KLHL30: variants seen among roughly 807,000 people sequenced by gnomAD.
KLHL30 encodes the protein kelch like family member 30, also known as kelch-like protein 30.
In KLHL30, 55 loss-of-function variants were observed where a neutral mutation model predicts 55.0. The observed-to-expected ratio is 1.00, with a 90% CI of 0.80 to 1.25. The LOEUF is 1.25. Ranked by LOEUF, KLHL30 falls within the 50% of genes most tolerant of loss-of-function variation. The probability of loss-of-function intolerance (pLI) is 0.00; values close to 1 mark genes in which losing one functional copy is unlikely to be tolerated. For missense variants in KLHL30, 786 were observed against 811.6 expected (o/e 0.97, Z 0.38); for synonymous variants, 356 against 372.6 (o/e 0.96, Z 0.51).
chr2:238,145,888 C>A, intron 5 of KLHL30, 56 bp downstream of exon 5: 4 of 1,489,970 alleles, frequency 2.7e-6, no homozygotes, highest in Non-Finnish European at 3.6e-6. Flanking sequence ...CTCATCCCTG[C>A]AGCAACAGGA....
intron 7 of KLHL30, 46 bp from the exon 8 acceptor site, chr2:238,150,768 T>G (rs1302244484): frequency 6.5e-7 from 1 of 1,532,370 alleles, no homozygotes; most frequent in East Asian, 2.5e-5. Context: ...TCAGCCCTGC[T>G]CTCCAGCTCC....
chr2:238,141,087 G>C lies in KLHL30; in HGVS notation c.333G>C (p.Ala111=). ...GNVEALTRTA[A]RLHFPSVQKV... is the part of the protein sequence containing the mutation. ...TGGAGGCGCTGACACGCACGGCTGC[G>C]CGCCTGCACTTCCCCTCGGTGCAGA... is the stretch of plus-strand genomic sequence containing the variant. Residue 111 remains alanine (A), a synonymous_variant, in exon 2 of 8, where the codon GCG becomes GCC. Coordinates refer to ENST00000409223, the MANE Select transcript of KLHL30 (RefSeq NM_198582.4). 6.2e-7 allele frequency: 1 copy of C among 1,608,576 alleles called. No homozygotes were observed. The highest frequency in any genetic ancestry group is 1.3e-5 in the African/African-American group (1 of 74,986).
intron 2 of KLHL30, 33 bp from the exon 3 acceptor site, chr2:238,142,766 C>G: frequency 7.3e-7 from 1 of 1,364,780 alleles, no homozygotes; most frequent in Non-Finnish European, 9.4e-7. Context: ...GGACACATTG[C>G]TGTTGCCCTG....
intron 3 of KLHL30, 140 bp from the exon 4 acceptor site, chr2:238,144,762 A>C (rs1574758104): frequency 1.4e-6 from 1 of 691,588 alleles, no homozygotes. Context: ...TACCAGTGTC[A>C]CCCTGCCCCT....
At position 238,140,970 on chromosome 2, in the gene KLHL30, G is replaced by A. The variant is rs75668645; in HGVS notation, c.216G>A (p.Ala72=). Residue 72 remains alanine (A), a synonymous_variant, in exon 2 of 8, where the codon GCG becomes GCA. Transcript: ENST00000409223. ...FAGDFAESFS[A]RVELRDVEPA... is the part of the protein sequence containing the mutation. The stretch of plus-strand genomic sequence containing the variant: ...GTGACTTCGCCGAGAGCTTCTCTGC[G>A]CGCGTGGAGCTGCGGGACGTGGAGC... The A allele has an allele frequency of 2.9e-3, 4,610 of 1,612,292 alleles. 117 individuals are homozygous for A. The African/African-American group carries it at 0.054, about 19-fold the overall frequency.
intron 2 of KLHL30, 128 bp from the exon 3 acceptor site, chr2:238,142,671 G>T: frequency 1.1e-6 from 1 of 933,576 alleles, no homozygotes; most frequent in Non-Finnish European, 1.4e-6. Flanking sequence ...GTGCACTCGG[G>T]CACACGCCAT....
In KLHL30 at chr2:238,144,428, A is replaced by AGGC. The variant is rs1559276019; in HGVS notation, c.908-474_908-473insGGC. The stretch of plus-strand genomic sequence containing the variant: ...GAAGGAAGGAAGGAAGGAAGGAAGG[A>AGGC]AGGAAGGCAGGCAGGCAGGCAGGCA... On this transcript the variant is annotated intron_variant, in intron 3 of 7. Transcript: ENST00000409223. 3.2e-3 allele frequency among the ~76,000 whole-genome samples: 244 copies of AGGC among 76,782 alleles called. 1 individual carries two copies. Among genetic ancestry groups the AGGC allele is most frequent in the African/African-American group, 5.0e-3 (102 of 20,224 alleles). The allele number at this position is 76,782 out of a possible 152,430, so 50.4% of individuals were successfully genotyped here.
Position 238,141,079 on chromosome 2 carries a change from A to T in KLHL30, c.325A>T (p.Thr109Ser). 3 of 1,609,268 alleles carry T rather than the reference A, an allele frequency of 1.9e-6. No individual in the cohort carries two copies. The African/African-American group carries it at 4.0e-5, about 21-fold the overall frequency. The change falls in exon 2 of 8, where the codon ACG becomes TCG. Residue 109 changes from threonine (T) to serine (S), a missense_variant. Transcript: ENST00000409223. ...GGGCAACGTGGAGGCGCTGACACGCACGGCTGCGCGCCTGCACTTCCCCTC... is the reference window on the plus strand; with the variant it reads ...GGGCAACGTGGAGGCGCTGACACGCTCGGCTGCGCGCCTGCACTTCCCCTC... ...TQGNVEALTR[T>S]AARLHFPSVQ... is the part of the protein sequence containing the mutation.
chr2:238,145,635 C>T, intron 4 of KLHL30, 42 bp from the exon 5 acceptor site: 1 of 1,553,626 alleles, frequency 6.4e-7, no homozygotes. Flanking sequence ...GCCTGGTGCC[C>T]CAGGCTGGTG....
intron 4 of KLHL30, among the ~76,000 whole-genome samples, 198 bp downstream of exon 4, chr2:238,145,186 G>T (rs1692625459): frequency 6.6e-6 from 1 of 152,230 alleles, no homozygotes; most frequent in Non-Finnish European, 1.5e-5. Context: ...AGGCTAGTGT[G>T]GGCCCACCCC....
At position 238,149,079 on chromosome 2, in the gene KLHL30, G is replaced by A. The variant is rs904204914; in HGVS notation, c.1412G>A (p.Gly471Glu). ...TCGCCTCGCTGTGCTGCACTGCACG[G>A]GGAGCTCTACCTCATTGGGGACAAC... The part of the protein sequence containing the change: ...LSSPRCAALH[G>E]ELYLIGDNTK... The change falls in exon 7 of 8, where the codon GGG becomes GAG. Residue 471 changes from glycine (G) to glutamate (E), a missense_variant. Physicochemically the swap from Gly to Glu is moderately conservative, Grantham distance 98 (BLOSUM62 -2). Coordinates refer to ENST00000409223, the MANE Select transcript of KLHL30 (RefSeq NM_198582.4). 1.4e-5 allele frequency: 22 copies of A among 1,613,190 alleles called. No homozygotes were observed. Among genetic ancestry groups the A allele is most frequent in the Non-Finnish European group, 1.5e-5 (18 of 1,179,868 alleles).
intron 3 of KLHL30, among the ~76,000 whole-genome samples, chr2:238,144,396 A>AGGCAGGC (rs1692597443): frequency 2.0e-5 from 2 of 101,588 alleles, no homozygotes; most frequent in East Asian, 3.1e-4. Flanking sequence ...GGAAGGAAGG[A>AGGCAGGC]AGGAAGGAAG....
In KLHL30 at chr2:238,150,834, G is replaced by A. The variant is rs1195150010; in HGVS notation, c.1506G>A (p.Leu502=). The A allele has an allele frequency of 4.4e-6, 7 of 1,588,418 alleles. No homozygotes were observed. In the South Asian group the frequency reaches 6.9e-5, roughly 16 times the overall value. Residue 502 remains leucine, a synonymous_variant, in exon 8 of 8, where the codon CTG becomes CTA. Coordinates refer to ENST00000409223, the MANE Select transcript of KLHL30 (RefSeq NM_198582.4). ...LWQKVQSQHS[L]HENGALVPLG... is the part of the protein sequence containing the mutation. ...CACAGGTGCAGTCACAGCACAGCCT[G>A]CATGAGAATGGCGCGCTGGTGCCAC...
intron 3 of KLHL30, among the ~76,000 whole-genome samples, chr2:238,143,626 G>A (rs1250940633): frequency 1.3e-5 from 2 of 152,244 alleles, no homozygotes; most frequent in Non-Finnish European, 2.9e-5. Flanking sequence ...GCTGGCTGGT[G>A]TGGGGCCACC....
intron 3 of KLHL30, 47 bp downstream of exon 3, chr2:238,142,978 C>T: frequency 6.7e-7 from 1 of 1,484,606 alleles, no homozygotes; most frequent in Middle Eastern, 2.4e-4. Flanking sequence ...CTCTCTGTCC[C>T]AGCGGGAGCC....
intron 3 of KLHL30, among the ~76,000 whole-genome samples, chr2:238,144,555 G>A (rs558124141): frequency 3.9e-5 from 6 of 152,144 alleles, no homozygotes; most frequent in South Asian, 2.1e-4. Context: ...GCATCTAACC[G>A]ACAGACCAGA....
chr2:238,148,166 C>A (rs943047047), intron 6 of KLHL30, 144 bp downstream of exon 6: 7 of 767,320 alleles, frequency 9.1e-6, no homozygotes, highest in Non-Finnish European at 1.4e-5. Context: ...AGGCCTCTCA[C>A]AAAGAGGAGG....
rs1415636391 is a variant in KLHL30 at position 238,148,997 on chromosome 2, C to T, written c.1340-10C>T. The stretch of plus-strand genomic sequence containing the variant: ...CTGGTGACGGTGGCCAGTGCCCGTG[C>T]CCCCCACAGATGCGTGGAGTGTGAT... On this transcript the variant is annotated splice_polypyrimidine_tract_variant and intron_variant, in intron 6 of 7. Transcript: ENST00000409223. 1.3e-6 allele frequency: 2 copies of T among 1,581,568 alleles called. No individual in the cohort carries two copies. The highest frequency in any genetic ancestry group is 8.6e-7 in the Non-Finnish European group (1 of 1,164,278).
At chr2:238,139,497 G>T (rs1269152986) in intron 1 of KLHL30, among the ~76,000 whole-genome samples, 1 of 152,200 alleles carries the variant, frequency 6.6e-6, no homozygotes, top group Non-Finnish European at 1.5e-5. Flanking sequence ...CGCGAGCCCG[G>T]GTTGGTCCGC....
Sources: allele counts gnomAD v4.1 joint callset (sites outside exome capture counted in the v4.1 genomes callset), GRCh38; gene constraint gnomAD v4.1.1; transcripts MANE v1.5; gene names NCBI Gene and HGNC (gene_info 2026-07-23, HGNC 2026-07-21).